Variants in NUDT3 observed in about 807,000 individuals in gnomAD.
NUDT3 encodes the protein nudix hydrolase 3, also known as diphosphoinositol polyphosphate phosphohydrolase 1.
A neutral mutation model predicts 23.6 loss-of-function variants in NUDT3; 9 were observed. That is an observed-to-expected ratio of 0.38 (90% confidence interval 0.23 to 0.66). NUDT3 has a LOEUF of 0.66. Ranked by LOEUF, NUDT3 falls within the 30% of genes least tolerant of loss-of-function variation. The probability of loss-of-function intolerance (pLI) is 0.52; values close to 1 mark genes in which losing one functional copy is unlikely to be tolerated. For synonymous variants in NUDT3, 86 were observed against 82.6 expected, an observed-to-expected ratio of 1.04 and a Z score of -0.22; for missense variants, 172 against 218.5, an observed-to-expected ratio of 0.79 and a Z score of 1.34.
At chr6:34,322,047 G>A (rs760697203) in intron 2 of NUDT3, among the ~76,000 whole-genome samples, 2 of 152,176 alleles carry the variant, frequency 1.3e-5, no homozygotes, top group African/African-American at 2.4e-5. Context: ...GGCAGCTAGT[G>A]GATGCCATAC....
intron 2 of NUDT3, among the ~76,000 whole-genome samples, chr6:34,304,022 G>A (rs966656804): frequency 6.6e-6 from 1 of 152,128 alleles, no homozygotes; most frequent in Non-Finnish European, 1.5e-5. Context: ...GAAAGCCGAG[G>A]CAGGTGGATT....
At chr6:34,343,110 T>C (rs1764312733) in intron 1 of NUDT3, among the ~76,000 whole-genome samples, 1 of 152,192 alleles carries the variant, frequency 6.6e-6, no homozygotes, top group African/African-American at 2.4e-5. Flanking sequence ...ATATAGGCCA[T>C]GGACTGAAAA....
rs71000051 is a variant in NUDT3 at position 34,351,198 on chromosome 6, TAAAAAAAAAAAAAAAAA to T, written c.100-9243_100-9227del. 3.4e-4 allele frequency among the ~76,000 whole-genome samples: 6 copies of T among 17,894 alleles called. 1 individual carries two copies. The highest frequency in any genetic ancestry group is 2.6e-3 in the South Asian group (1 of 380). The allele number at this position is 17,894 out of a possible 152,430, so 11.7% of individuals were successfully genotyped here. On this transcript the variant is annotated intron_variant, in intron 1 of 4. Transcript: ENST00000607016. The stretch of plus-strand genomic sequence containing the variant: ...GACCTCGTCTCTACACTCCCCTGCC[TAAAAAAAAAAAAAAAAA>T]AAAAAAAAAAACACTTTGGGAGGCC...
At chr6:34,335,825 T>C (rs2113730476) in intron 2 of NUDT3, among the ~76,000 whole-genome samples, 1 of 151,806 alleles carries the variant, frequency 6.6e-6, no homozygotes, top group East Asian at 1.9e-4. Flanking sequence ...TGGGCTCACG[T>C]GATCCTCCTG....
chr6:34,382,059 C>T lies in NUDT3; in HGVS notation c.99+10205G>A, dbSNP rs540910947. On this transcript the variant is annotated intron_variant, in intron 1 of 4. Coordinates refer to ENST00000607016, the MANE Select transcript of NUDT3 (RefSeq NM_006703.4). The stretch of plus-strand genomic sequence containing the variant: ...CTGCACTCCAGCCTGAGCGACAGAG[C>T]GAGACTCTATCTCAAAAAAAAAAAA... Among the ~76,000 whole-genome samples, 578 of 121,070 alleles carry T rather than the reference C, an allele frequency of 4.8e-3. 2 individuals are homozygous for T. Among genetic ancestry groups the T allele is most frequent in the Non-Finnish European group, 6.6e-3 (412 of 62,584 alleles). The allele number at this position is 121,070 out of a possible 152,430, so 79.4% of individuals were successfully genotyped here. A position where few individuals can be genotyped will look rare whatever the true frequency, so the allele number is the denominator to read the frequency against.
At chr6:34,365,799 T>C (rs1284892979) in intron 1 of NUDT3, among the ~76,000 whole-genome samples, 2 of 152,184 alleles carry the variant, frequency 1.3e-5, no homozygotes, top group Admixed American at 6.5e-5. Flanking sequence ...CCCAGCACTT[T>C]GGGAGGCCAA....
intron 2 of NUDT3, among the ~76,000 whole-genome samples, chr6:34,301,896 T>A (rs1269658977): frequency 6.6e-6 from 1 of 152,216 alleles, no homozygotes; most frequent in Non-Finnish European, 1.5e-5. Flanking sequence ...TGAAATTGCA[T>A]TACATTATTT....
At chr6:34,328,471 G>GA (rs1286851701) in intron 2 of NUDT3, among the ~76,000 whole-genome samples, 1 of 152,064 alleles carries the variant, frequency 6.6e-6, no homozygotes, top group African/African-American at 2.4e-5. Flanking sequence ...CTAGTAGAAT[G>GA]AAAAAACGGA....
intron 1 of NUDT3, among the ~76,000 whole-genome samples, chr6:34,369,559 C>T (rs1764795430): frequency 6.6e-6 from 1 of 152,068 alleles, no homozygotes; most frequent in African/African-American, 2.4e-5. Flanking sequence ...AGTAAGATAA[C>T]GTCAAACAGC....
At chr6:34,357,522 G>A (rs1764581180) in intron 1 of NUDT3, among the ~76,000 whole-genome samples, 1 of 151,716 alleles carries the variant, frequency 6.6e-6, no homozygotes. Context: ...GCTGAGGTGG[G>A]AGGAGCGCCT....
At chr6:34,348,389 G>A (rs567115119) in intron 1 of NUDT3, among the ~76,000 whole-genome samples, 72 of 152,194 alleles carry the variant, frequency 4.7e-4, no homozygotes, top group African/African-American at 1.4e-3. Flanking sequence ...GGCTGAGTTG[G>A]GACGATTGCT....
At chr6:34,288,988 G>C (rs150631242) in intron 4 of NUDT3, 57 bp from the exon 5 acceptor site, 586 of 1,486,122 alleles carry the variant, frequency 3.9e-4, no homozygotes, top group Middle Eastern at 1.7e-3. Flanking sequence ...TCTGAGCCTA[G>C]AACTTTTGAG....
At chr6:34,390,973 T>C (rs1041761415) in intron 1 of NUDT3, among the ~76,000 whole-genome samples, 2 of 152,200 alleles carry the variant, frequency 1.3e-5, no homozygotes, top group Non-Finnish European at 2.9e-5. Context: ...TGGGGACTTT[T>C]ACAATATATG....
intron 2 of NUDT3, among the ~76,000 whole-genome samples, chr6:34,319,891 T>C (rs1285907701): frequency 6.6e-6 from 1 of 152,192 alleles, no homozygotes; most frequent in African/African-American, 2.4e-5. Flanking sequence ...GATTCTGTTT[T>C]CTGAGGCCTG....
chr6:34,332,851 G>A (rs546269871), intron 2 of NUDT3, among the ~76,000 whole-genome samples: 4 of 152,272 alleles, frequency 2.6e-5, no homozygotes, highest in African/African-American at 9.6e-5. Context: ...GCTGAGGTGA[G>A]AAAAGGTAAA....
At chr6:34,313,342 G>A (rs1429599012) in intron 2 of NUDT3, among the ~76,000 whole-genome samples, 3 of 152,178 alleles carry the variant, frequency 2.0e-5, no homozygotes, top group Non-Finnish European at 4.4e-5. Context: ...GTTGTCAGGA[G>A]TTTAGGGGAG....
chr6:34,358,042 G>A (rs141492629), intron 1 of NUDT3, among the ~76,000 whole-genome samples: 37 of 152,220 alleles, frequency 2.4e-4, no homozygotes, highest in African/African-American at 8.4e-4. Flanking sequence ...TATATGCATT[G>A]AAGTCTACTT....
At chr6:34,333,225 G>A (rs1414132989) in intron 2 of NUDT3, among the ~76,000 whole-genome samples, 3 of 152,174 alleles carry the variant, frequency 2.0e-5, no homozygotes, top group South Asian at 2.1e-4. Flanking sequence ...ACATGTGATT[G>A]CTAATGTGTC....
chr6:34,295,711 G>A, intron 2 of NUDT3, 26 bp from the exon 3 acceptor site: 1 of 1,612,756 alleles, frequency 6.2e-7, no homozygotes, highest in South Asian at 1.1e-5. Context: ...AACAATTAAT[G>A]CACTGATAGT....
Sources: gnomAD v4.1 joint callset for allele counts (sites outside exome capture counted in the v4.1 genomes callset) on GRCh38, gnomAD v4.1.1 for gene constraint, MANE v1.5 for transcripts, NCBI Gene and HGNC (gene_info 2026-07-23, HGNC 2026-07-21) for gene names.